The following MTTP variants were observed in gnomAD, a reference collection of about 807,000 sequenced individuals.
The protein encoded by MTTP is microsomal triglyceride transfer protein large subunit.
Under a neutral mutation model 90.6 loss-of-function variants are expected in MTTP, and 49 were observed. That is an observed-to-expected ratio of 0.54 (90% CI 0.43 to 0.69). The LOEUF is 0.69. Among genes scored for constraint, MTTP ranks in the 30% least tolerant of loss-of-function variants. The pLI is 0.00. For missense variants in MTTP, 945 were observed against 1,067.5 expected (o/e 0.89, Z 1.60); for synonymous variants, 347 against 384.2 (o/e 0.90, Z 1.13).
chr4:99,621,664 T>G (rs1578258727), intron 17 of MTTP, among the ~76,000 whole-genome samples: 1 of 152,222 alleles, frequency 6.6e-6, no homozygotes, highest in African/African-American at 2.4e-5. Context: ...TCGCAATTTT[T>G]AAGTATTCCA....
chr4:99,584,459 T>C (rs1045245205), intron 3 of MTTP, among the ~76,000 whole-genome samples: 6 of 152,310 alleles, frequency 3.9e-5, no homozygotes, highest in African/African-American at 1.4e-4. Flanking sequence ...ACAAATACTT[T>C]GGACATTTCA....
At chr4:99,608,423 C>T (rs1335067253) in intron 11 of MTTP, among the ~76,000 whole-genome samples, 9 of 152,022 alleles carry the variant, frequency 5.9e-5, no homozygotes, top group East Asian at 1.9e-4. Flanking sequence ...CCAGCCTGGG[C>T]AACAAAGCGA....
In MTTP at chr4:99,600,632, T is replaced by C. The variant is rs543779814; in HGVS notation, c.1135T>C (p.Leu379=). ...CTCATTAGAAGCCATTTTGGACTTT[T>C]TGGATTTCAAAAGTGACAGCAGCAT... ...SDSLEAILDF[L]DFKSDSSIIL... The change falls in exon 9 of 18, where the codon TTG becomes CTG. Residue 379 remains leucine (L), a synonymous_variant. Coordinates refer to ENST00000265517, the MANE Select transcript of MTTP (RefSeq NM_001386140.1). The C allele has an allele frequency of 2.9e-5, 47 of 1,613,854 alleles. No individual in the cohort carries two copies. The Admixed American group carries it at 5.2e-4, about 18-fold the overall frequency.
At chr4:99,613,287 C>T in intron 15 of MTTP, 147 bp downstream of exon 15, 1 of 699,666 alleles carries the variant, frequency 1.4e-6, no homozygotes. Flanking sequence ...TGGTATTGGT[C>T]CCCTTTCTCC....
Position 99,622,913 on chromosome 4 carries a change from G to T in MTTP, c.*65G>T, listed in dbSNP as rs1726277550. 1 of 1,527,138 alleles carries T rather than the reference G, an allele frequency of 6.5e-7. No homozygotes were observed. The highest frequency in any genetic ancestry group is 9.1e-7 in the Non-Finnish European group (1 of 1,101,342). 94.6% of individuals were successfully genotyped at this position (1,527,138 alleles called of 1,614,324 possible). A position where few individuals can be genotyped will look rare whatever the true frequency, so the allele number is the denominator to read the frequency against. On this transcript the variant is annotated 3_prime_UTR_variant, in exon 18 of 18. Transcript: ENST00000265517. ...AAGGGACACAATGTGGCATGACTAA[G>T]TACTTGCTCTCTGAGAGCACAGCGT...
At chr4:99,573,670 T>G (rs1724888796), upstream of MTTP, among the ~76,000 whole-genome samples, 1 of 152,190 alleles carries the variant, frequency 6.6e-6, no homozygotes, top group Non-Finnish European at 1.5e-5. Flanking sequence ...AAGTCTACTA[T>G]CTTTTACCTA....
intron 17 of MTTP, 67 bp from the exon 18 acceptor site, chr4:99,622,610 T>G: frequency 6.5e-7 from 1 of 1,541,144 alleles, no homozygotes; most frequent in Non-Finnish European, 9.0e-7. Flanking sequence ...TTCAGTAACT[T>G]GGCTGGAGAG....
intron 3 of MTTP, among the ~76,000 whole-genome samples, chr4:99,587,702 C>T (rs1725291056): frequency 6.6e-6 from 1 of 152,128 alleles, no homozygotes; most frequent in Admixed American, 6.6e-5. Flanking sequence ...ACCAAAAAGA[C>T]ATGGGCCATA....
At chr4:99,577,838 A>C (rs1317393211) in intron 1 of MTTP, among the ~76,000 whole-genome samples, 1 of 151,908 alleles carries the variant, frequency 6.6e-6, no homozygotes, top group African/African-American at 2.4e-5. Context: ...CTTATATAGT[A>C]TTTTTACCTT....
intron 15 of MTTP, among the ~76,000 whole-genome samples, chr4:99,616,531 T>C (rs1291960658): frequency 6.6e-6 from 1 of 152,202 alleles, no homozygotes; most frequent in Non-Finnish European, 1.5e-5. Flanking sequence ...AATATTGGTA[T>C]GAGGATTAAA....
intron 3 of MTTP, among the ~76,000 whole-genome samples, chr4:99,586,378 T>C (rs1300096297): frequency 6.6e-6 from 1 of 152,120 alleles, no homozygotes; most frequent in Non-Finnish European, 1.5e-5. Flanking sequence ...GCTGCTCCAA[T>C]TAACTGGATA....
intron 12 of MTTP, among the ~76,000 whole-genome samples, chr4:99,610,550 C>T (rs1043847844): frequency 6.6e-6 from 1 of 152,064 alleles, no homozygotes; most frequent in Non-Finnish European, 1.5e-5. Context: ...GTTATGTAAT[C>T]AGAAATGAAC....
chr4:99,589,191 CT>C (rs1725351952), intron 3 of MTTP, among the ~76,000 whole-genome samples: 1 of 149,134 alleles, frequency 6.7e-6, no homozygotes, highest in Non-Finnish European at 1.5e-5. Flanking sequence ...CCCATAAAGG[CT>C]GTGCCATCTC....
chr4:99,597,001 A>ATTTTAT (rs1725569030), intron 7 of MTTP, 66 bp from the exon 8 acceptor site: 1 of 1,601,786 alleles, frequency 6.2e-7, no homozygotes, highest in Admixed American at 1.7e-5. Context: ...CTAGGAGAAC[A>ATTTTAT]CCCTTTGTAA....
intron 1 of MTTP, among the ~76,000 whole-genome samples, chr4:99,576,462 G>A (rs1239288008): frequency 2.6e-5 from 4 of 151,842 alleles, no homozygotes; most frequent in Admixed American, 1.3e-4. Flanking sequence ...TTGGGAGGCC[G>A]AGGCGGGCGG....
At chr4:99,571,014 A>G, upstream of MTTP, 1 of 293,308 alleles carries the variant, frequency 3.4e-6, no homozygotes, top group African/African-American at 2.2e-5. Context: ...GTTTTGTGGT[A>G]ATTTGTTATG....
exon 1 of MTTP, chr4:99,564,158 G>C: frequency 6.5e-7 from 1 of 1,535,532 alleles, no homozygotes; most frequent in South Asian, 1.2e-5. Flanking sequence ...GGGAGTGGGA[G>C]GTAGTTACAG....
upstream of MTTP, chr4:99,570,923 C>T (rs1400813790): frequency 5.4e-6 from 2 of 367,974 alleles, no homozygotes; most frequent in Admixed American, 3.5e-5. Flanking sequence ...CCAATACTTT[C>T]ATTTTATCCC....
chr4:99,594,904 G>C (rs201559780), intron 7 of MTTP, 21 bp downstream of exon 7: 2 of 1,611,886 alleles, frequency 1.2e-6, no homozygotes, highest in Non-Finnish European at 1.7e-6. Context: ...ACAAATATGG[G>C]AATAATCATG....
Sources: gnomAD v4.1 joint callset for allele counts (sites outside exome capture counted in the v4.1 genomes callset) on GRCh38, gnomAD v4.1.1 for gene constraint, MANE v1.5 for transcripts, NCBI Gene and HGNC (gene_info 2026-07-23, HGNC 2026-07-21) for gene names.